The following SCAPER variants were observed in gnomAD, a reference collection of about 807,000 sequenced individuals.
SCAPER encodes S-phase cyclin A associated protein in the ER.
SCAPER carries 98 observed loss-of-function variants against 182.2 expected under a neutral mutation model. That is an observed-to-expected ratio of 0.54 (90% CI 0.46 to 0.64). The LOEUF (loss-of-function observed/expected upper bound fraction) is 0.64, where lower values mean the gene tolerates loss of function less well. Ranked by LOEUF, SCAPER falls within the 30% of genes least tolerant of loss-of-function variation. SCAPER has a pLI of 0.00. For synonymous variants in SCAPER, 605 were observed against 564.6 expected (o/e 1.07, Z -1.01); for missense variants, 1,432 against 1,690.0 (o/e 0.85, Z 2.68).
At chr15:76,604,341 G>A (rs1332081029) in intron 22 of SCAPER, among the ~76,000 whole-genome samples, 2 of 120,166 alleles carry the variant, frequency 1.7e-5, no homozygotes, top group African/African-American at 2.5e-5. Context: ...CTGTAGATAT[G>A]CGGCATTATT....
chr15:76,625,893 T>C (rs943284812), intron 21 of SCAPER, among the ~76,000 whole-genome samples: 2 of 152,048 alleles, frequency 1.3e-5, no homozygotes, highest in Non-Finnish European at 2.9e-5. Context: ...TGGCTTTAGG[T>C]CAGGGTGTCC....
rs148477547 is a variant in SCAPER at position 76,394,082 on chromosome 15, A to T, written c.3467+10442T>A. ...AATTTTAGGGTAATTTGTTGCAGTT[A>T]TTGTAACCGTAACAAGAAGAAAAGC... is the stretch of plus-strand genomic sequence containing the variant. On this transcript the variant is annotated intron_variant, in intron 27 of 31. Transcript: ENST00000563290. 3.3e-3 allele frequency among the ~76,000 whole-genome samples: 496 copies of T among 152,358 alleles called. 1 individual carries two copies. The highest frequency in any genetic ancestry group is 5.0e-3 in the Non-Finnish European group (341 of 68,034).
At chr15:76,660,229 C>A (rs1292800264) in intron 21 of SCAPER, among the ~76,000 whole-genome samples, 7 of 151,982 alleles carry the variant, frequency 4.6e-5, no homozygotes, top group Non-Finnish European at 1.0e-4. Flanking sequence ...GACACTGGGG[C>A]CTACTTGAGG....
rs34802988 is a variant in SCAPER, at chr15:76,725,417, T to TA, written c.2165+3177dup. On this transcript the variant is annotated intron_variant, in intron 17 of 31. Transcript: ENST00000563290. ...GAATTCTCTCTCTTAGTGTATACAT[T>TA]AAAAAAAAAAAGCCATACTTCCCAA... Among the ~76,000 whole-genome samples, 744 of 144,960 alleles carry TA rather than the reference T, an allele frequency of 5.1e-3. 3 individuals are homozygous for TA. The highest frequency in any genetic ancestry group is 0.014 in the African/African-American group (567 of 39,384).
At chr15:76,649,713 A>C (rs1391611900) in intron 21 of SCAPER, among the ~76,000 whole-genome samples, 2 of 151,704 alleles carry the variant, frequency 1.3e-5, no homozygotes, top group African/African-American at 2.4e-5. Flanking sequence ...AAAAAAACAC[A>C]ATAACATGTT....
intron 31 of SCAPER, 36 bp from the exon 32 acceptor site, chr15:76,348,772 AAG>A: frequency 8.0e-7 from 1 of 1,256,566 alleles, no homozygotes; most frequent in Non-Finnish European, 1.1e-6. Flanking sequence ...AGTTAAATAA[AAG>A]AGGGTTAAAT....
chr15:76,866,986 C>G (rs186687897), intron 2 of SCAPER, among the ~76,000 whole-genome samples: 31 of 152,234 alleles, frequency 2.0e-4, no homozygotes, highest in African/African-American at 7.2e-4. Context: ...GTATAAAGAT[C>G]AGCCTTCAGT....
rs1422506952 is a variant in SCAPER at position 76,348,608 on chromosome 15, T to C, written c.*25A>G. On this transcript the variant is annotated 3_prime_UTR_variant, in exon 32 of 32. Transcript: ENST00000563290. ...CAATTTAAAATATTAACAAGGGTACTCAAATACAGAATCAACCAAAACATT... is the reference window on the plus strand; with the variant it reads ...CAATTTAAAATATTAACAAGGGTACCCAAATACAGAATCAACCAAAACATT... The C allele has an allele frequency of 3.5e-6, 5 of 1,424,430 alleles. No homozygotes were observed. The highest frequency in any genetic ancestry group is 4.8e-6 in the Non-Finnish European group (5 of 1,046,294). The allele number at this position is 1,424,430 out of a possible 1,614,324, so 88.2% of individuals were successfully genotyped here.
At chr15:76,670,931 A>G (rs2056968437) in intron 20 of SCAPER, among the ~76,000 whole-genome samples, 1 of 152,252 alleles carries the variant, frequency 6.6e-6, no homozygotes, top group Non-Finnish European at 1.5e-5. Context: ...ATACAGGAAG[A>G]AAGTTTTGAC....
intron 2 of SCAPER, among the ~76,000 whole-genome samples, chr15:76,876,594 C>T (rs1276064924): frequency 6.6e-6 from 1 of 152,048 alleles, no homozygotes; most frequent in Non-Finnish European, 1.5e-5. Context: ...GAATATAATT[C>T]ACAGAATTTA....
At chr15:76,504,579 A>G (rs2041417588) in intron 24 of SCAPER, among the ~76,000 whole-genome samples, 1 of 152,184 alleles carries the variant, frequency 6.6e-6, no homozygotes, top group South Asian at 2.1e-4. Context: ...CAATTTTTGG[A>G]AGCAGTTAGA....
At chr15:76,487,248 T>C (rs2051742565) in intron 24 of SCAPER, among the ~76,000 whole-genome samples, 1 of 151,498 alleles carries the variant, frequency 6.6e-6, no homozygotes. Flanking sequence ...GCTTAATACC[T>C]GGGTGATGAA....
intron 5 of SCAPER, among the ~76,000 whole-genome samples, chr15:76,832,089 T>C (rs931940635): frequency 6.6e-6 from 1 of 152,182 alleles, no homozygotes; most frequent in Non-Finnish European, 1.5e-5. Context: ...AGTATCTTCT[T>C]ATCTCCAAAT....
At chr15:76,622,743 A>G (rs2052208272) in intron 21 of SCAPER, among the ~76,000 whole-genome samples, 1 of 152,216 alleles carries the variant, frequency 6.6e-6, no homozygotes, top group Non-Finnish European at 1.5e-5. Context: ...GTATGTTCCA[A>G]GCATTGTGCT....
At chr15:76,350,697 A>G (rs1338664388) in intron 31 of SCAPER, 2 of 152,280 alleles carry the variant, frequency 1.3e-5, no homozygotes, top group Non-Finnish European at 2.9e-5. Context: ...GGAATGCTAT[A>G]GGAAAAAAAA....
chr15:76,583,281 G>C (rs190605575), intron 22 of SCAPER, among the ~76,000 whole-genome samples: 9 of 150,896 alleles, frequency 6.0e-5, no homozygotes, highest in Admixed American at 1.3e-4. Flanking sequence ...AACCCGGAAG[G>C]CAGAGGTTGT....
intron 17 of SCAPER, among the ~76,000 whole-genome samples, chr15:76,726,128 T>TATATATATATATAC (rs1430543989): frequency 1.8e-5 from 2 of 112,792 alleles, no homozygotes; most frequent in African/African-American, 3.5e-5. Flanking sequence ...GTCTAGAATA[T>TATATATATATATAC]ATATATATAT....
intron 4 of SCAPER, among the ~76,000 whole-genome samples, chr15:76,848,570 G>A (rs755930820): frequency 6.6e-5 from 10 of 151,446 alleles, no homozygotes; most frequent in Non-Finnish European, 8.8e-5. Context: ...TCCTGACCTC[G>A]CGATCTGCCC....
At chr15:76,536,119 T>C (rs2044138892) in intron 23 of SCAPER, among the ~76,000 whole-genome samples, 1 of 152,216 alleles carries the variant, frequency 6.6e-6, no homozygotes, top group Non-Finnish European at 1.5e-5. Flanking sequence ...TGCAAGAATG[T>C]TTTAACTTCT....
Sources: allele counts gnomAD v4.1 joint callset (sites outside exome capture counted in the v4.1 genomes callset), GRCh38; gene constraint gnomAD v4.1.1; transcripts MANE v1.5; gene names NCBI Gene and HGNC (gene_info 2026-07-23, HGNC 2026-07-21).